Variants in ABLIM1 observed in about 807,000 individuals in gnomAD.
ABLIM1 encodes the protein actin binding LIM protein 1, also known as actin-binding LIM protein 1.
In ABLIM1, 40 loss-of-function variants were observed where a neutral mutation model predicts 107.0. The ratio of observed to expected loss-of-function variants is 0.37; its 90% confidence interval spans 0.29 to 0.49. The LOEUF (loss-of-function observed/expected upper bound fraction) is 0.49, where lower values mean the gene tolerates loss of function less well. Ranked by LOEUF, ABLIM1 falls within the 20% of genes least tolerant of loss-of-function variation. The pLI is 0.97. For missense variants in ABLIM1, 857 were observed against 1,008.5 expected (o/e 0.85, Z 2.04); for synonymous variants, 357 against 357.3 (o/e 1.00, Z 0.01).
At chr10:114,457,292 C>G (rs1330545269) in intron 12 of ABLIM1, among the ~76,000 whole-genome samples, 2 of 151,798 alleles carry the variant, frequency 1.3e-5, no homozygotes, top group African/African-American at 4.8e-5. Context: ...TTTTTTGAGA[C>G]AGAGTCTTGC....
At position 114,565,788 on chromosome 10, in the gene ABLIM1, C is replaced by CTTTTTTTTT. The variant is rs577896964; in HGVS notation, c.673+5500_673+5508dup. On this transcript the variant is annotated intron_variant, in intron 4 of 22. Transcript: ENST00000533213. ...CGCGATGCTTTATCTGAAATGATTTCTTTTTTTTTTTTTTTTTTTTTTTTG... is the reference window on the plus strand; with the variant it reads ...CGCGATGCTTTATCTGAAATGATTTCTTTTTTTTTTTTTTTTTTTTTTTTTTTTTTTTTG... Among the ~76,000 whole-genome samples the CTTTTTTTTT allele has an allele frequency of 1.3e-3, 133 of 101,072 alleles. 14 individuals are homozygous for CTTTTTTTTT. The highest frequency in any genetic ancestry group is 1.7e-3 in the Non-Finnish European group (89 of 51,092). The allele number at this position is 101,072 out of a possible 152,430, so 66.3% of individuals were successfully genotyped here.
chr10:114,505,533 G>C (rs540321486), intron 6 of ABLIM1, among the ~76,000 whole-genome samples: 11 of 152,144 alleles, frequency 7.2e-5, no homozygotes, highest in Non-Finnish European at 4.4e-5. Flanking sequence ...AAGTGCATTT[G>C]GTGGGAAGGA....
chr10:114,596,814 T>C (rs1301548145), intron 2 of ABLIM1, among the ~76,000 whole-genome samples: 1 of 152,206 alleles, frequency 6.6e-6, no homozygotes, highest in African/African-American at 2.4e-5. Context: ...CAAAAAGAGT[T>C]CATCCTTGCT....
intron 1 of ABLIM1, among the ~76,000 whole-genome samples, chr10:114,647,921 G>A (rs759848807): frequency 3.3e-5 from 5 of 152,194 alleles, no homozygotes; most frequent in African/African-American, 1.2e-4. Context: ...TTTATATAAT[G>A]TTTGCAGACC....
Position 114,599,510 on chromosome 10 carries a change from G to A in ABLIM1, c.379+2317C>T, listed in dbSNP as rs193083801. Among the ~76,000 whole-genome samples the A allele has an allele frequency of 4.7e-3, 710 of 152,226 alleles. 4 individuals carry two copies. Among genetic ancestry groups the A allele is most frequent in the South Asian group, 0.016 (79 of 4,824 alleles). ...TAGAGAGCTTGGTGCAGTGGCTCAC[G>A]CCTGTAATCCCAGCACTTTGGGAGG... On this transcript the variant is annotated intron_variant, in intron 2 of 22. Coordinates refer to ENST00000533213, the MANE Select transcript of ABLIM1 (RefSeq NM_002313.7).
At chr10:114,468,268 G>A (rs367785169) in intron 10 of ABLIM1, 52 bp from the exon 11 acceptor site, 32 of 1,555,802 alleles carry the variant, frequency 2.1e-5, no homozygotes, top group African/African-American at 1.8e-4. Flanking sequence ...ACTCTTTGCC[G>A]TTTTGTTTGT....
chr10:114,661,645 A>G (rs1266893771), upstream of ABLIM1, among the ~76,000 whole-genome samples: 1 of 152,214 alleles, frequency 6.6e-6, no homozygotes, highest in African/African-American at 2.4e-5. Context: ...TGGTTCTATG[A>G]TATGATATCA....
At chr10:114,469,583 G>A (rs2066041605) in intron 10 of ABLIM1, among the ~76,000 whole-genome samples, 1 of 152,170 alleles carries the variant, frequency 6.6e-6, no homozygotes, top group East Asian at 1.9e-4. Context: ...GAGCAACCCA[G>A]CCCCTGGTAC....
At chr10:114,543,244 C>A (rs2066912629) in intron 6 of ABLIM1, among the ~76,000 whole-genome samples, 1 of 152,204 alleles carries the variant, frequency 6.6e-6, no homozygotes, top group Non-Finnish European at 1.5e-5. Flanking sequence ...TGCTATGCAA[C>A]CACCTCCTCT....
intron 1 of ABLIM1, among the ~76,000 whole-genome samples, chr10:114,759,217 A>C (rs893218192): frequency 6.6e-6 from 1 of 152,228 alleles, no homozygotes; most frequent in Admixed American, 6.5e-5. Context: ...TATAGTGGTA[A>C]ATGCAAATTA....
intron 15 of ABLIM1, among the ~76,000 whole-genome samples, chr10:114,446,164 A>C (rs2060994600): frequency 6.6e-6 from 1 of 152,256 alleles, no homozygotes; most frequent in African/African-American, 2.4e-5. Context: ...TAAACCTTGT[A>C]GTTTTCTCTT....
intron 2 of ABLIM1, among the ~76,000 whole-genome samples, chr10:114,588,932 TATTTA>T (rs1015591346): frequency 4.6e-5 from 7 of 152,278 alleles, no homozygotes; most frequent in African/African-American, 1.7e-4. Context: ...AACCTTGGAA[TATTTA>T]ATTTATGTAC....
intron 14 of ABLIM1, among the ~76,000 whole-genome samples, chr10:114,449,045 T>C (rs1296194625): frequency 6.6e-6 from 1 of 152,274 alleles, no homozygotes; most frequent in Non-Finnish European, 1.5e-5. Context: ...CCACTCATTG[T>C]TTTGTTCAAA....
intron 1 of ABLIM1, among the ~76,000 whole-genome samples, chr10:114,653,830 T>C (rs1291792209): frequency 6.6e-6 from 1 of 152,222 alleles, no homozygotes; most frequent in Non-Finnish European, 1.5e-5. Context: ...TGCCCACTTT[T>C]CCCATCTTCT....
At chr10:114,564,809 T>C (rs1591251157) in intron 4 of ABLIM1, among the ~76,000 whole-genome samples, 1 of 152,326 alleles carries the variant, frequency 6.6e-6, no homozygotes, top group East Asian at 1.9e-4. Context: ...CGTTATACTG[T>C]GCTCTTTTCT....
intron 1 of ABLIM1, among the ~76,000 whole-genome samples, chr10:114,767,821 C>T (rs756205052): frequency 4.6e-5 from 7 of 152,162 alleles, no homozygotes; most frequent in Non-Finnish European, 5.9e-5. Context: ...AGACGCGCGG[C>T]GGGCACAGGT....
chr10:114,556,904 T>C (rs1005516138), intron 4 of ABLIM1, among the ~76,000 whole-genome samples: 13 of 152,184 alleles, frequency 8.5e-5, no homozygotes, highest in Admixed American at 8.5e-4. Flanking sequence ...TAAGAAAGAA[T>C]AGAGTACAAA....
chr10:114,670,291 A>C (rs2080194383), intron 1 of ABLIM1, among the ~76,000 whole-genome samples: 1 of 152,062 alleles, frequency 6.6e-6, no homozygotes, highest in Admixed American at 6.6e-5. Context: ...TTGCTATTTC[A>C]CCCCTAAAAT....
intron 6 of ABLIM1, among the ~76,000 whole-genome samples, chr10:114,519,428 G>A (rs375532393): frequency 9.2e-5 from 14 of 152,238 alleles, no homozygotes; most frequent in Admixed American, 4.6e-4. Context: ...TTTTTTCCCC[G>A]CCCAGCACAT....
Sources: allele counts gnomAD v4.1 joint callset (sites outside exome capture counted in the v4.1 genomes callset), GRCh38; gene constraint gnomAD v4.1.1; transcripts MANE v1.5; gene names NCBI Gene and HGNC (gene_info 2026-07-23, HGNC 2026-07-21).